The following STARD8 variants were observed in gnomAD, a reference collection of about 807,000 sequenced individuals.
STARD8 encodes the protein stAR-related lipid transfer protein 8.
A neutral mutation model predicts 69.4 loss-of-function variants in STARD8; 25 were observed. That is an observed-to-expected ratio of 0.36 (90% CI 0.26 to 0.50). The LOEUF is 0.50. STARD8 is among the 20% of genes least tolerant of loss of function. STARD8 has a pLI of 0.96. For synonymous variants in STARD8, 389 were observed against 374.6 expected, an observed-to-expected ratio of 1.04 and a Z score of -0.45; for missense variants, 921 against 932.5, an observed-to-expected ratio of 0.99 and a Z score of 0.16.
chrX:68,719,463 G>C, intron 7 of STARD8, 65 bp downstream of exon 7: 1 of 1,083,640 alleles, frequency 9.2e-7, no homozygotes, highest in Non-Finnish European at 1.2e-6. Context: ...CCCAGGCAGG[G>C]TCAGCCCAGG....
chrX:68,672,723 C>G (rs766061977), intron 2 of STARD8, among the ~76,000 whole-genome samples: 25 of 111,228 alleles, frequency 2.2e-4, no homozygotes, highest in Non-Finnish European at 3.8e-4. Context: ...GCCCCACCCC[C>G]CATGGCAGGG....
At chrX:68,693,053 T>C (rs748685303) in intron 2 of STARD8, among the ~76,000 whole-genome samples, 84 of 112,875 alleles carry the variant, frequency 7.4e-4, no homozygotes, top group Non-Finnish European at 1.3e-3. Context: ...CTATCAGAAC[T>C]CCTGGAAGCC....
At chrX:68,695,881 G>T (rs2079915982) in intron 2 of STARD8, among the ~76,000 whole-genome samples, 1 of 112,042 alleles carries the variant, frequency 8.9e-6, no homozygotes, top group African/African-American at 3.3e-5. Context: ...AGGCAAGAAG[G>T]TCCCAAAGGA....
intron 1 of STARD8, among the ~76,000 whole-genome samples, chrX:68,660,906 C>G (rs2079640273): frequency 8.9e-6 from 1 of 112,105 alleles, no homozygotes; most frequent in African/African-American, 3.2e-5. Context: ...AGAGCCCACT[C>G]TGGAAGAAGG....
intron 2 of STARD8, among the ~76,000 whole-genome samples, chrX:68,684,041 A>G (rs1216826005): frequency 8.9e-6 from 1 of 112,728 alleles, no homozygotes; most frequent in African/African-American, 3.2e-5. Context: ...AGAATTAAAT[A>G]AGCACTTAGA....
At chrX:68,653,288 C>A (rs1602536051) in intron 1 of STARD8, among the ~76,000 whole-genome samples, 1 of 41,120 alleles carries the variant, frequency 2.4e-5, no homozygotes, top group African/African-American at 8.8e-5. Context: ...CACACACACA[C>A]CACACACCAC....
chrX:68,687,248 C>T (rs1464406964), intron 2 of STARD8, among the ~76,000 whole-genome samples: 1 of 110,660 alleles, frequency 9.0e-6, no homozygotes, highest in East Asian at 2.8e-4. Context: ...CCTTTATAAT[C>T]AACTCGCATT....
At position 68,718,375 on chromosome X, in the gene STARD8, A is replaced by AGCCCCG. The variant is rs771760882; in HGVS notation, c.1473_1478dup (p.Pro493_Ala494dup). ...AGGAAGAGGCTGAGGCCCCGGCCCCAGCCCCGGCCCCGGCCCCAGCCCAGG... is the reference window on the plus strand; with the variant it reads ...AGGAAGAGGCTGAGGCCCCGGCCCCAGCCCCGGCCCCGGCCCCGGCCCCAGCCCAGG... On this transcript the variant is annotated inframe_insertion, in exon 6 of 15. Coordinates refer to ENST00000374599, the MANE Select transcript of STARD8 (RefSeq NM_001142503.3). The AGCCCCG allele has an allele frequency of 2.2e-5, 26 of 1,203,668 alleles. No homozygotes were observed. The African/African-American group carries it at 3.7e-4, about 17-fold the overall frequency.
chrX:68,662,131 C>T (rs1023655999), intron 1 of STARD8, among the ~76,000 whole-genome samples: 2 of 110,108 alleles, frequency 1.8e-5, no homozygotes, highest in Non-Finnish European at 3.8e-5. Context: ...CCTCAGCCTC[C>T]TGAGTAGCTG....
At chrX:68,672,241 A>G (rs2079732911) in intron 2 of STARD8, among the ~76,000 whole-genome samples, 1 of 111,593 alleles carries the variant, frequency 9.0e-6, no homozygotes, top group Non-Finnish European at 1.9e-5. Flanking sequence ...TTCTTCCTTA[A>G]GGCCAATCTG....
intron 2 of STARD8, among the ~76,000 whole-genome samples, chrX:68,668,062 TTTC>T (rs1272571144): frequency 7.7e-5 from 4 of 52,115 alleles, no homozygotes; most frequent in East Asian, 1.3e-3. Flanking sequence ...CTTTCTTTTC[TTTC>T]TTTCTTTCTT....
chrX:68,655,564 A>G lies in STARD8; in HGVS notation c.45+7637A>G, dbSNP rs1001278169. ...ATTGTAAGATGCCTAGATGCTGGAC[A>G]TATGCTGTGTAACTTTGAGGCACAG... On this transcript the variant is annotated intron_variant, in intron 1 of 14. Transcript: ENST00000374599. 1.8e-4 allele frequency among the ~76,000 whole-genome samples: 20 copies of G among 112,171 alleles called. 1 individual carries two copies. Among genetic ancestry groups the G allele is most frequent in the Admixed American group, 1.3e-3 (14 of 10,528 alleles).
chrX:68,717,171 G>A, intron 5 of STARD8, 41 bp from the exon 6 acceptor site: 2 of 1,132,781 alleles, frequency 1.8e-6, no homozygotes, highest in Non-Finnish European at 2.3e-6. Flanking sequence ...AGGACTTGTG[G>A]CCTGGGCTTC....
At chrX:68,716,494 G>A (rs1448605866) in intron 5 of STARD8, 63 bp downstream of exon 5, 8 of 1,106,292 alleles carry the variant, frequency 7.2e-6, no homozygotes, top group Non-Finnish European at 3.7e-6. Context: ...CAGGGCATAC[G>A]TAAACCATTT....
intron 1 of STARD8, among the ~76,000 whole-genome samples, chrX:68,653,233 C>A (rs1322010842): frequency 5.1e-5 from 2 of 38,996 alleles, no homozygotes; most frequent in Non-Finnish European, 4.7e-5. Flanking sequence ...CACACCACAC[C>A]ACACACACAC....
intron 1 of STARD8, among the ~76,000 whole-genome samples, chrX:68,648,526 C>T (rs533641845): frequency 5.4e-5 from 6 of 111,306 alleles, no homozygotes; most frequent in African/African-American, 2.0e-4. Context: ...TCTGGGAGGC[C>T]GAGGTGGGAG....
chrX:68,693,776 C>T, intron 2 of STARD8: 1 of 755,089 alleles, frequency 1.3e-6, no homozygotes, highest in Non-Finnish European at 1.6e-6. Context: ...GCCTCCTGCC[C>T]GCTCGCTCTG....
intron 2 of STARD8, among the ~76,000 whole-genome samples, chrX:68,686,187 G>A (rs1456775230): frequency 9.0e-6 from 1 of 110,732 alleles, no homozygotes; most frequent in East Asian, 2.9e-4. Flanking sequence ...TGGTGATGGG[G>A]AGGCGGAATA....
intron 7 of STARD8, 49 bp downstream of exon 7, chrX:68,719,447 C>T (rs2080128566): frequency 2.7e-6 from 3 of 1,109,615 alleles, no homozygotes; most frequent in Non-Finnish European, 3.6e-6. Flanking sequence ...GACTCAGGTC[C>T]ACGTCCCCAG....
Sources: allele counts gnomAD v4.1 joint callset (sites outside exome capture counted in the v4.1 genomes callset), GRCh38; gene constraint gnomAD v4.1.1; transcripts MANE v1.5; gene names NCBI Gene and HGNC (gene_info 2026-07-23, HGNC 2026-07-21).